GRID2: variants seen among roughly 807,000 people sequenced by gnomAD.
GRID2 encodes the protein glutamate receptor ionotropic, delta-2.
GRID2 carries 33 observed loss-of-function variants against 114.8 expected under a neutral mutation model. The ratio of observed to expected loss-of-function variants is 0.29; its 90% CI spans 0.22 to 0.38. The LOEUF (loss-of-function observed/expected upper bound fraction) is 0.38. Among genes scored for constraint, GRID2 ranks in the 10% least tolerant of loss-of-function variants. GRID2 has a pLI of 1.00. For missense variants in GRID2, 1,184 were observed against 1,257.7 expected (o/e 0.94, Z 0.89); for synonymous variants, 505 against 449.9 (o/e 1.12, Z -1.55).
At chr4:92,740,956 G>C (rs1736868753) in intron 2 of GRID2, among the ~76,000 whole-genome samples, 1 of 152,070 alleles carries the variant, frequency 6.6e-6, no homozygotes, top group African/African-American at 2.4e-5. Flanking sequence ...GTTTCACCAT[G>C]TTGGGCAGGC....
intron 2 of GRID2, among the ~76,000 whole-genome samples, chr4:92,981,154 T>C (rs1754184389): frequency 6.6e-6 from 1 of 152,116 alleles, no homozygotes; most frequent in Admixed American, 6.6e-5. Context: ...TTTAAAATAC[T>C]TCCAGTATGT....
At chr4:92,614,620 A>G (rs1028326160) in intron 2 of GRID2, among the ~76,000 whole-genome samples, 1 of 151,642 alleles carries the variant, frequency 6.6e-6, no homozygotes, top group Non-Finnish European at 1.5e-5. Context: ...CTTACTCTAT[A>G]GTCCAGTGTA....
At chr4:93,150,022 T>C (rs2149395862) in intron 4 of GRID2, among the ~76,000 whole-genome samples, 1 of 152,182 alleles carries the variant, frequency 6.6e-6, no homozygotes. Flanking sequence ...ATTTTGCACT[T>C]CGACAGAGGG....
At chr4:93,205,621 T>G (rs554662273) in intron 4 of GRID2, among the ~76,000 whole-genome samples, 2 of 152,180 alleles carry the variant, frequency 1.3e-5, no homozygotes, top group Non-Finnish European at 2.9e-5. Context: ...TAAACATACG[T>G]GTGCATGTGT....
chr4:92,935,319 T>A (rs1750578784), intron 2 of GRID2, among the ~76,000 whole-genome samples: 1 of 146,736 alleles, frequency 6.8e-6, no homozygotes, highest in Non-Finnish European at 1.5e-5. Flanking sequence ...GAAATGCAAA[T>A]CAAAACCACA....
In GRID2 at chr4:93,472,947, A is replaced by G. The variant is rs183369549; in HGVS notation, c.1858+16973A>G. On this transcript the variant is annotated intron_variant, in intron 11 of 15. Transcript: ENST00000282020. ...AGAAGGAATAGAAAAGAGAGAATAA[A>G]CCAGAAACCCACACGACAGGGCTTA... Among the ~76,000 whole-genome samples the G allele has an allele frequency of 2.0e-5, 3 of 152,238 alleles. No individual in the cohort carries two copies. In the East Asian group the frequency reaches 5.8e-4, roughly 29 times the overall value.
chr4:93,723,713 G>T (rs908263244), intron 14 of GRID2, among the ~76,000 whole-genome samples: 2 of 152,110 alleles, frequency 1.3e-5, no homozygotes, highest in African/African-American at 4.8e-5. Flanking sequence ...CTAATGGATC[G>T]ATGTAATAGC....
At chr4:92,376,576 A>G (rs1729366309) in intron 1 of GRID2, among the ~76,000 whole-genome samples, 3 of 152,086 alleles carry the variant, frequency 2.0e-5, no homozygotes, top group African/African-American at 4.8e-5. Flanking sequence ...GCGGTGCCCC[A>G]TTAGGGACTC....
intron 1 of GRID2, among the ~76,000 whole-genome samples, chr4:92,416,012 A>G (rs963509127): frequency 2.0e-5 from 3 of 151,826 alleles, no homozygotes; most frequent in East Asian, 3.9e-4. Flanking sequence ...ACTAGTTTAC[A>G]TTCCCACCAG....
At chr4:93,519,027 GCTTC>G (rs1730083101) in intron 13 of GRID2, among the ~76,000 whole-genome samples, 1 of 152,102 alleles carries the variant, frequency 6.6e-6, no homozygotes, top group South Asian at 2.1e-4. Context: ...TCACGTGAGA[GCTTC>G]CTAAAAATAT....
intron 1 of GRID2, among the ~76,000 whole-genome samples, chr4:92,310,032 A>G (rs1725614588): frequency 6.6e-6 from 1 of 152,024 alleles, no homozygotes; most frequent in Non-Finnish European, 1.5e-5. Flanking sequence ...AAATACATCT[A>G]AAAATAATGT....
At chr4:93,390,866 T>C (rs9790383) in intron 8 of GRID2, among the ~76,000 whole-genome samples, 27,739 of 151,884 alleles carry the variant, frequency 0.18, 4,677 homozygotes, top group African/African-American at 0.45. Context: ...TGTGTGTGTA[T>C]ATATATGCTG....
intron 1 of GRID2, among the ~76,000 whole-genome samples, chr4:92,397,342 A>ATGTGTGTGTGTGTGTG (rs58085283): frequency 2.8e-5 from 4 of 142,692 alleles, no homozygotes; most frequent in African/African-American, 1.0e-4. Context: ...GTGTGTTTGT[A>ATGTGTGTGTGTGTGTG]TGTGTGTGTG....
chr4:92,668,936 G>T (rs1732917932), intron 2 of GRID2, among the ~76,000 whole-genome samples: 1 of 151,820 alleles, frequency 6.6e-6, no homozygotes, highest in South Asian at 2.1e-4. Flanking sequence ...CTTGTTACTT[G>T]GGAAAAGATT....
chr4:92,562,630 G>A (rs141022310), intron 1 of GRID2, among the ~76,000 whole-genome samples: 32 of 152,158 alleles, frequency 2.1e-4, no homozygotes, highest in Middle Eastern at 3.4e-3. Flanking sequence ...TCCTGTGCCC[G>A]GTAGGCCCGA....
intron 2 of GRID2, among the ~76,000 whole-genome samples, chr4:92,718,869 A>C (rs1054326050): frequency 2.6e-5 from 4 of 152,084 alleles, no homozygotes; most frequent in Non-Finnish European, 5.9e-5. Context: ...GAACTTAAAG[A>C]ATTTTTATTA....
rs1192340384 is a variant in GRID2, at chr4:92,386,864, A to C, written c.88+82120A>C. 2.6e-5 allele frequency among the ~76,000 whole-genome samples: 4 copies of C among 152,034 alleles called. No individual in the cohort carries two copies. In the East Asian group the frequency reaches 7.7e-4, roughly 29 times the overall value. Reference sequence around the variant, plus strand: ...GGATTAGAAAGCTGATTAACTTGAGATACATAGCCTCATGTTTATAAATTT... The same window carrying C: ...GGATTAGAAAGCTGATTAACTTGAGCTACATAGCCTCATGTTTATAAATTT... On this transcript the variant is annotated intron_variant, in intron 1 of 15. Coordinates refer to ENST00000282020, the MANE Select transcript of GRID2 (RefSeq NM_001510.4).
At position 92,517,592 on chromosome 4, in the gene GRID2, T is replaced by C. The variant is rs374724089; in HGVS notation, c.89-72539T>C. On this transcript the variant is annotated intron_variant, in intron 1 of 15. Transcript: ENST00000282020. ...TTTTAACGTATATGAACAAGGTCAG[T>C]CATAAATAGTTGAACCAAAAAATGA... Among the ~76,000 whole-genome samples the C allele has an allele frequency of 2.2e-4, 34 of 152,050 alleles. No homozygotes were observed. The East Asian group carries it at 6.0e-3, about 27-fold the overall frequency.
At chr4:92,547,025 G>A (rs1038241913) in intron 1 of GRID2, among the ~76,000 whole-genome samples, 2 of 152,126 alleles carry the variant, frequency 1.3e-5, no homozygotes, top group African/African-American at 4.8e-5. Flanking sequence ...CTAGAACCCA[G>A]ATCTTTTAAG....
Sources: allele counts gnomAD v4.1 joint callset (sites outside exome capture counted in the v4.1 genomes callset), GRCh38; gene constraint gnomAD v4.1.1; transcripts MANE v1.5; gene names NCBI Gene and HGNC (gene_info 2026-07-23, HGNC 2026-07-21).